PKD1: variants seen among roughly 807,000 people sequenced by gnomAD.
PKD1 encodes the protein polycystin 1, transient receptor potential channel interacting.
PKD1 carries 81 observed loss-of-function variants against 361.7 expected under a neutral mutation model. The ratio of observed to expected loss-of-function variants is 0.22; its 90% CI spans 0.19 to 0.27. The LOEUF (loss-of-function observed/expected upper bound fraction) is 0.27, where lower values mean the gene tolerates loss of function less well. Among genes scored for constraint, PKD1 ranks in the 10% least tolerant of loss-of-function variants. The pLI is 1.00. For missense variants in PKD1, 6,399 were observed against 6,118.3 expected (o/e 1.05, Z -1.53); for synonymous variants, 3,615 against 2,818.3 (o/e 1.28, Z -8.95).
Position 2,089,915 on chromosome 16 carries a change from G to C in PKD1, c.12724C>G (p.Gln4242Glu). The C allele has an allele frequency of 6.2e-7, 1 of 1,611,942 alleles. No individual in the cohort carries two copies. The change falls in exon 46 of 46, where the codon CAG (glutamine) becomes GAG (glutamate). Residue 4242 changes from glutamine (Q) to glutamate (E), a missense_variant. Transcript: ENST00000262304. ...CTGCGGCCTTGCAGGCTGTGCAGCT[G>C]CTGCTCCAGCTGGTAGACGTCCTCT... The part of the protein sequence containing the change: ...ATEDVYQLEQ[Q>E]LHSLQGRRSS...
In PKD1 at chr16:2,112,138, G is replaced by A. The variant is rs188748755; in HGVS notation, c.3295+202C>T. 2.3e-4 allele frequency among the ~76,000 whole-genome samples: 35 copies of A among 152,342 alleles called. No homozygotes were observed. The East Asian group carries it at 6.0e-3, about 26-fold the overall frequency. On this transcript the variant is annotated intron_variant, in intron 14 of 45. Coordinates refer to ENST00000262304, the MANE Select transcript of PKD1 (RefSeq NM_001009944.3). The stretch of plus-strand genomic sequence containing the variant: ...GCCAGGCCCGGGGAGGGCGGGGGGC[G>A]CAGTTCAGGGGCCCAGCTTCCCTGT...
rs1596573086 is a variant in PKD1 at position 2,113,823 on chromosome 16, T to A, written c.2853+347A>T. The A allele has an allele frequency of 1.6e-5, 7 of 426,124 alleles. 1 individual carries two copies. The highest frequency in any genetic ancestry group is 1.0e-4 in the African/African-American group (5 of 50,012). The allele number at this position is 426,124 out of a possible 1,614,324, so 26.4% of individuals were successfully genotyped here. ...CAGCCCGCAGTTTCCCATCAGGGGT[T>A]CAGACTCCACCTCAAAAGCCACTCG... On this transcript the variant is annotated intron_variant, in intron 11 of 45. Coordinates refer to ENST00000262304, the MANE Select transcript of PKD1 (RefSeq NM_001009944.3).
intron 1 of PKD1, among the ~76,000 whole-genome samples, chr16:2,122,764 C>G (rs567551546): frequency 1.5e-3 from 233 of 152,312 alleles, no homozygotes; most frequent in Non-Finnish European, 2.9e-3. Context: ...CACCGGGACC[C>G]GAGGCGCAGG....
intron 1 of PKD1, among the ~76,000 whole-genome samples, chr16:2,133,962 C>T (rs1200558636): frequency 4.6e-5 from 7 of 150,622 alleles, no homozygotes; most frequent in East Asian, 3.9e-4. Flanking sequence ...CCTTCTCTCC[C>T]GGACAGCTCC....
intron 34 of PKD1, among the ~76,000 whole-genome samples, chr16:2,095,602 G>T (rs2091813665): frequency 6.6e-6 from 1 of 152,190 alleles, no homozygotes; most frequent in Non-Finnish European, 1.5e-5. Flanking sequence ...TCAGGCGCAG[G>T]GAAGGCCGTG....
chr16:2,109,608 G>A lies in PKD1; in HGVS notation c.5559C>T (p.Thr1853=), dbSNP rs752107118. Residue 1853 remains threonine (T), a synonymous_variant, in exon 15 of 46, where the codon ACC becomes ACT. Transcript: ENST00000262304. ...GGSSKRGPHV[T]MVFPDAGTFS... Reference sequence around the variant, plus strand: ...AGGTGCCAGCATCCGGGAAGACCATGGTGACATGAGGGCCACGCTTGCTGC... The same window carrying A: ...AGGTGCCAGCATCCGGGAAGACCATAGTGACATGAGGGCCACGCTTGCTGC... The A allele has an allele frequency of 7.5e-6, 12 of 1,610,052 alleles. No homozygotes were observed. The highest frequency in any genetic ancestry group is 1.1e-5 in the South Asian group (1 of 90,662).
intron 34 of PKD1, 47 bp downstream of exon 34, chr16:2,097,101 G>T: frequency 2.6e-6 from 2 of 757,896 alleles, no homozygotes; most frequent in Admixed American, 2.7e-5. Context: ...CCTGAGTCCC[G>T]GCCCCTCCTC....
Position 2,088,879 on chromosome 16 carries a change from GCGCACACACACACA to G in PKD1, c.*834_*847del, listed in dbSNP as rs2091275529. 1.5e-5 allele frequency: 7 copies of G among 469,710 alleles called. No homozygotes were observed. The highest frequency in any genetic ancestry group is 2.6e-5 in the Non-Finnish European group (7 of 268,442). 29.1% of individuals were successfully genotyped at this position (469,710 alleles called of 1,614,324 possible). ...ATACAGCACACTCGCGCGTGCGCGCGCGCACACACACACACACACAGTCACCTTCCTCCACCCTG... is the reference window on the plus strand; with the variant it reads ...ATACAGCACACTCGCGCGTGCGCGCGCACACAGTCACCTTCCTCCACCCTG... On this transcript the variant is annotated 3_prime_UTR_variant, in exon 46 of 46. Transcript: ENST00000262304.
rs371215337 is a variant in PKD1 at position 2,090,819 on chromosome 16, G to A, written c.12004-11C>T. ...TAGCTGCTGGGCAGCCTGCGGACGA[G>A]AAATCTGTCTGCTTGCAGCCCTGGG... is the stretch of plus-strand genomic sequence containing the variant. On this transcript the variant is annotated splice_polypyrimidine_tract_variant and intron_variant, in intron 43 of 45. Transcript: ENST00000262304. 397 of 1,612,106 alleles carry A rather than the reference G, an allele frequency of 2.5e-4. 1 individual carries two copies. Among genetic ancestry groups the A allele is most frequent in the East Asian group, 3.6e-4 (16 of 44,876 alleles).
In PKD1 at chr16:2,121,408, G is replaced by A. The variant is rs531024843; in HGVS notation, c.216-2030C>T. ...AAAAAAAAAAGGATGGAGGGTGAGA[G>A]GGAGGGAGGAAAGAAAGAGAAAACT... On this transcript the variant is annotated intron_variant, in intron 1 of 45. Transcript: ENST00000262304. Among the ~76,000 whole-genome samples, 4 of 151,994 alleles carry A rather than the reference G, an allele frequency of 2.6e-5. No individual in the cohort carries two copies. In the South Asian group the frequency reaches 8.3e-4, roughly 32 times the overall value.
chr16:2,111,012 C>A lies in PKD1; in HGVS notation c.4155G>T (p.Leu1385=). 1.2e-6 allele frequency: 2 copies of A among 1,610,700 alleles called. No individual in the cohort carries two copies. Among genetic ancestry groups the A allele is most frequent in the Non-Finnish European group, 1.7e-6 (2 of 1,179,800 alleles). Residue 1385 remains leucine (L), a synonymous_variant, in exon 15 of 46, where the codon CTG becomes CTT. Transcript: ENST00000262304. ...GCTGCACAAACTGCCTCTCTGGCTG[C>A]AGGGTGACGTTGCCCACCTCTGGCT... ...CVEPEVGNVT[L]QPERQFVQLG...
In PKD1 at chr16:2,106,066, G is replaced by C. The variant is rs1191189778; in HGVS notation, c.7703+25C>G. On this transcript the variant is annotated intron_variant, in intron 19 of 45. Transcript: ENST00000262304. The surrounding 1 kb of genome is among the most constrained non-coding windows in gnomAD (Gnocchi z 6.5). ...GTGGTGAGCAGGTGGCAGTCTCGGGGGCGCCCTCCCACGGCCTGGCTCACC... is the reference window on the plus strand; with the variant it reads ...GTGGTGAGCAGGTGGCAGTCTCGGGCGCGCCCTCCCACGGCCTGGCTCACC... 6.2e-7 allele frequency: 1 copy of C among 1,606,688 alleles called. No homozygotes were observed. Among genetic ancestry groups the C allele is most frequent in the Non-Finnish European group, 8.5e-7 (1 of 1,177,588 alleles).
At position 2,089,091 on chromosome 16, in the gene PKD1, C is replaced by CA. The variant is rs1420343599; in HGVS notation, c.*635dup. On this transcript the variant is annotated 3_prime_UTR_variant, in exon 46 of 46. Transcript: ENST00000262304. Reference sequence around the variant, plus strand: ...CCTCTGGGGTGATGAGAGTGCCTGGCAGACAGCTGTGCCCCCAGCACCGGC... The same window carrying CA: ...CCTCTGGGGTGATGAGAGTGCCTGGCAAGACAGCTGTGCCCCCAGCACCGGC... 5.7e-6 allele frequency: 1 copy of CA among 176,918 alleles called. No homozygotes were observed. Among genetic ancestry groups the CA allele is most frequent in the Non-Finnish European group, 1.2e-5 (1 of 82,666 alleles). 11.0% of individuals were successfully genotyped at this position (176,918 alleles called of 1,614,324 possible).
intron 1 of PKD1, among the ~76,000 whole-genome samples, chr16:2,125,229 G>A (rs983245390): frequency 2.0e-5 from 3 of 152,208 alleles, no homozygotes; most frequent in Admixed American, 6.5e-5. Flanking sequence ...GTGCAGCCCC[G>A]GGCTGGGCAG....
chr16:2,127,128 C>T (rs2092809190), intron 1 of PKD1, among the ~76,000 whole-genome samples: 1 of 152,198 alleles, frequency 6.6e-6, no homozygotes, highest in Non-Finnish European at 1.5e-5. Flanking sequence ...CAAAGACTCT[C>T]GGTGCCCACC....
intron 1 of PKD1, among the ~76,000 whole-genome samples, chr16:2,121,140 C>T (rs1247416676): frequency 6.6e-6 from 1 of 151,982 alleles, no homozygotes; most frequent in African/African-American, 2.4e-5. Flanking sequence ...CTGAGGCGGG[C>T]GCATCACCTG....
At position 2,125,316 on chromosome 16, in the gene PKD1, G is replaced by C. The variant is rs934720551; in HGVS notation, c.216-5938C>G. Among the ~76,000 whole-genome samples, 6 of 152,318 alleles carry C rather than the reference G, an allele frequency of 3.9e-5. No homozygotes were observed. The South Asian group carries it at 6.2e-4, about 16-fold the overall frequency. On this transcript the variant is annotated intron_variant, in intron 1 of 45. Transcript: ENST00000262304. ...CCACAACCCTGGCCCCACGAGGGGT[G>C]GGGGTGGCAGCCTCTGATACAGGAC...
intron 34 of PKD1, 73 bp from the exon 35 acceptor site, chr16:2,094,283 G>A: frequency 5.2e-6 from 5 of 965,332 alleles, no homozygotes; most frequent in Non-Finnish European, 8.3e-6. Flanking sequence ...ATGTTAACCT[G>A]GGCGGGCAGT....
At chr16:2,091,759 G>A (rs1247637261) in intron 41 of PKD1, 22 bp downstream of exon 41, 25 of 1,609,012 alleles carry the variant, frequency 1.6e-5, no homozygotes, top group East Asian at 4.5e-5. Context: ...ACCCCGGAGA[G>A]GGCAGGGGAG....
Sources: gnomAD v4.1 joint callset for allele counts (sites outside exome capture counted in the v4.1 genomes callset) on GRCh38, gnomAD v4.1.1 for gene constraint, Gnocchi (gnomAD v3.1) non-coding constraint, MANE v1.5 for transcripts, NCBI Gene and HGNC (gene_info 2026-07-23, HGNC 2026-07-21) for gene names.